The following IL2RA variants were observed in gnomAD, a reference collection of about 807,000 sequenced individuals.
The protein encoded by IL2RA is interleukin-2 receptor subunit alpha.
IL2RA carries 24 observed loss-of-function variants against 37.8 expected under a neutral mutation model. The observed-to-expected ratio is 0.63, with a 90% CI of 0.46 to 0.89. The LOEUF is 0.89. IL2RA is among the 40% of genes least tolerant of loss of function. The probability of loss-of-function intolerance (pLI) is 0.00; values close to 1 mark genes in which losing one functional copy is unlikely to be tolerated. For synonymous variants in IL2RA, 125 were observed against 114.6 expected (o/e 1.09, Z -0.58); for missense variants, 319 against 348.6 (o/e 0.92, Z 0.68).
intron 1 of IL2RA, among the ~76,000 whole-genome samples, chr10:6,031,695 C>T (rs1269319351): frequency 6.6e-6 from 1 of 151,454 alleles, no homozygotes; most frequent in Admixed American, 6.6e-5. Context: ...ATTGCTGAGA[C>T]ATATTTTAAA....
chr10:6,038,979 A>G (rs1839730546), intron 1 of IL2RA, among the ~76,000 whole-genome samples: 1 of 152,254 alleles, frequency 6.6e-6, no homozygotes, highest in Admixed American at 6.5e-5. Flanking sequence ...AAATTCATCA[A>G]ACTATATCAG....
At position 6,020,833 on chromosome 10, in the gene IL2RA, T is replaced by C. The variant is rs1839372744; in HGVS notation, c.583+645A>G. On this transcript the variant is annotated intron_variant, in intron 4 of 7. Transcript: ENST00000379959. The surrounding 1 kb of genome is among the most constrained non-coding windows in gnomAD (Gnocchi z 5.6). ...CAGGTGTGAGCCACTGTGCCCAGCC[T>C]GCATGTAAGTCACTTTTGATTGTCG... 6.6e-6 allele frequency among the ~76,000 whole-genome samples: 1 copy of C among 152,128 alleles called. No individual in the cohort carries two copies. Among genetic ancestry groups the C allele is most frequent in the Non-Finnish European group, 1.5e-5 (1 of 68,012 alleles).
intron 1 of IL2RA, among the ~76,000 whole-genome samples, chr10:6,050,827 C>G (rs1231664072): frequency 6.6e-6 from 1 of 152,090 alleles, no homozygotes; most frequent in Non-Finnish European, 1.5e-5. Context: ...GGCTACAGGT[C>G]CTCTTGCACT....
At position 6,015,665 on chromosome 10, in the gene IL2RA, A is replaced by G. The variant is rs770694126; in HGVS notation, c.794+2388T>C. ...GCTTTGATACCTACAAGGTACAGTG[A>G]TCAGATCATGGTATTTAGCATATCC... On this transcript the variant is annotated intron_variant, in intron 7 of 7. Transcript: ENST00000379959. The surrounding 1 kb of genome is among the most constrained non-coding windows in gnomAD (Gnocchi z 4.9). 1.4e-4 allele frequency among the ~76,000 whole-genome samples: 22 copies of G among 152,334 alleles called. No individual in the cohort carries two copies. The highest frequency in any genetic ancestry group is 4.1e-4 in the South Asian group (2 of 4,830).
chr10:6,019,883 G>A lies in IL2RA; in HGVS notation c.642C>T (p.Leu214=), dbSNP rs756459089. Residue 214 remains leucine (L), a synonymous_variant, in exon 5 of 8, where the codon CTC becomes CTT. Transcript: ENST00000379959. ...EGRPESETSC[L]VTTTDFQIQT... is the part of the protein sequence containing the mutation. The stretch of plus-strand genomic sequence containing the variant: ...CTTCTCCCGCACCTGTTGTTGTGAC[G>A]AGGCAGGAAGTCTCACTCTCAGGAC... 9 of 1,614,080 alleles carry A rather than the reference G, an allele frequency of 5.6e-6. No homozygotes were observed. The highest frequency in any genetic ancestry group is 4.5e-5 in the East Asian group (2 of 44,878).
intron 2 of IL2RA, among the ~76,000 whole-genome samples, chr10:6,024,578 G>A (rs1839448561): frequency 6.6e-6 from 1 of 152,146 alleles, no homozygotes; most frequent in Admixed American, 6.5e-5. Context: ...GTTTTTGAGC[G>A]TGTGTATACG....
rs536547158 is a variant in IL2RA, at chr10:6,020,035, C to T, written c.584-94G>A. The T allele has an allele frequency of 1.0e-4, 107 of 1,051,714 alleles. 1 individual carries two copies. Among genetic ancestry groups the T allele is most frequent in the South Asian group, 4.2e-4 (33 of 78,910 alleles). 65.1% of individuals were successfully genotyped at this position (1,051,714 alleles called of 1,614,324 possible). ...TGCCCCAGGCAGCCGGCCCCAGACA[C>T]GCCCGAGGAGGCAGGAATCCTGGTG... On this transcript the variant is annotated intron_variant, in intron 4 of 7. Coordinates refer to ENST00000379959, the MANE Select transcript of IL2RA (RefSeq NM_000417.3). The surrounding 1 kb of genome is among the most constrained non-coding windows in gnomAD (Gnocchi z 5.6).
chr10:6,034,703 G>A (rs891549839), intron 1 of IL2RA, among the ~76,000 whole-genome samples: 1 of 151,804 alleles, frequency 6.6e-6, no homozygotes, highest in African/African-American at 2.4e-5. Context: ...AGCTAACAAG[G>A]GCTTTTCTCT....
rs12722688 is a variant in IL2RA, at chr10:6,025,270, C to T, written c.256+564G>A. 0.014 allele frequency among the ~76,000 whole-genome samples: 2,147 copies of T among 152,132 alleles called. 53 individuals carry two copies. Among genetic ancestry groups the T allele is most frequent in the African/African-American group, 0.049 (2,017 of 41,480 alleles). On this transcript the variant is annotated intron_variant, in intron 2 of 7. Transcript: ENST00000379959. This position sits in a 1 kb window ranked among gnomAD's most constrained non-coding sequence, Gnocchi z 4.4. ...TTGGGCAGCTGTGGCACAAGATTCACTTGAACCCAGGAGGTGGAGGTTGCA... is the reference window on the plus strand; with the variant it reads ...TTGGGCAGCTGTGGCACAAGATTCATTTGAACCCAGGAGGTGGAGGTTGCA...
At chr10:6,038,470 C>T (rs1839723769) in intron 1 of IL2RA, among the ~76,000 whole-genome samples, 1 of 152,150 alleles carries the variant, frequency 6.6e-6, no homozygotes, top group South Asian at 2.1e-4. Flanking sequence ...CACCATGGCT[C>T]TGGAAGGTAG....
Position 6,012,986 on chromosome 10 carries a change from T to C in IL2RA, c.795-90A>G, listed in dbSNP as rs1839214206. ...CTCTAAACCAGTGCACACGCCACCA[T>C]GCCTGGCTAATTTTTGTATTTTTAG... On this transcript the variant is annotated intron_variant, in intron 7 of 7. Coordinates refer to ENST00000379959, the MANE Select transcript of IL2RA (RefSeq NM_000417.3). The surrounding 1 kb of genome is among the most constrained non-coding windows in gnomAD (Gnocchi z 4.8). The C allele has an allele frequency of 1.6e-6, 2 of 1,248,460 alleles. No individual in the cohort carries two copies. The highest frequency in any genetic ancestry group is 1.2e-5 in the South Asian group (1 of 83,402). 77.3% of individuals were successfully genotyped at this position (1,248,460 alleles called of 1,614,324 possible).
At position 6,021,801 on chromosome 10, in the gene IL2RA, C is replaced by T; in HGVS notation, c.368-108G>A. ...ACCTTGGTTCTTACTCTCTTGACTG[C>T]TTGCTCATCCTTTCATTCAACCAAT... On this transcript the variant is annotated intron_variant, in intron 3 of 7. Transcript: ENST00000379959. The surrounding 1 kb of genome is among the most constrained non-coding windows in gnomAD (Gnocchi z 4.9). 1 of 827,672 alleles carries T rather than the reference C, an allele frequency of 1.2e-6. No homozygotes were observed. The highest frequency in any genetic ancestry group is 2.0e-6 in the Non-Finnish European group (1 of 489,830). 51.3% of individuals were successfully genotyped at this position (827,672 alleles called of 1,614,324 possible). A position where few individuals can be genotyped will look rare whatever the true frequency, so the allele number is the denominator to read the frequency against.
intron 3 of IL2RA, among the ~76,000 whole-genome samples, chr10:6,023,308 C>G (rs898748819): frequency 2.6e-5 from 4 of 152,100 alleles, no homozygotes; most frequent in African/African-American, 9.7e-5. Context: ...TTCTTCCTAG[C>G]AGGTTCTGTG....
chr10:6,049,831 C>A (rs1839920123), intron 1 of IL2RA, among the ~76,000 whole-genome samples: 1 of 152,222 alleles, frequency 6.6e-6, no homozygotes, highest in Non-Finnish European at 1.5e-5. Flanking sequence ...ATTCATAAGA[C>A]TTTTCCATTC....
intron 7 of IL2RA, 137 bp from the exon 8 acceptor site, chr10:6,013,033 T>G (rs1016650780): frequency 1.5e-4 from 123 of 815,992 alleles, no homozygotes; most frequent in Non-Finnish European, 2.4e-4. Context: ...TTTTGCTATG[T>G]TGGCCAGGCT....
At chr10:6,051,515 ATATTTT>A (rs1564552632) in intron 1 of IL2RA, among the ~76,000 whole-genome samples, 1 of 46,556 alleles carries the variant, frequency 2.1e-5, no homozygotes, top group Non-Finnish European at 4.4e-5. Context: ...ATATATATAT[ATATTTT>A]TTTTCTTTTT....
At position 6,015,385 on chromosome 10, in the gene IL2RA, A is replaced by G. The variant is rs1157597932; in HGVS notation, c.795-2489T>C. Among the ~76,000 whole-genome samples, 2 of 152,096 alleles carry G rather than the reference A, an allele frequency of 1.3e-5. No individual in the cohort carries two copies. Among genetic ancestry groups the G allele is most frequent in the Non-Finnish European group, 2.9e-5 (2 of 68,010 alleles). ...TGGGATTACAAGCGTGAGTCTGGCC[A>G]GCTTCCCTGATTCTTAATGCTGTTA... On this transcript the variant is annotated intron_variant, in intron 7 of 7. Transcript: ENST00000379959. This position sits in a 1 kb window ranked among gnomAD's most constrained non-coding sequence, Gnocchi z 4.9.
At position 6,021,316 on chromosome 10, in the gene IL2RA, AAT is replaced by A. The variant is rs1491271520; in HGVS notation, c.583+160_583+161del. Among the ~76,000 whole-genome samples, 1 of 9,218 alleles carries A rather than the reference AAT, an allele frequency of 1.1e-4. No individual in the cohort carries two copies. The highest frequency in any genetic ancestry group is 2.4e-4 in the African/African-American group (1 of 4,120). 6.0% of individuals were successfully genotyped at this position (9,218 alleles called of 152,430 possible). A position where few individuals can be genotyped will look rare whatever the true frequency, so the allele number is the denominator to read the frequency against. On this transcript the variant is annotated intron_variant, in intron 4 of 7. Transcript: ENST00000379959. The surrounding 1 kb of genome is among the most constrained non-coding windows in gnomAD (Gnocchi z 4.9). ...GAGTCCATCTGATCTGGTCTATTTA[AAT>A]TTTTTTTTTTTTCTCAGAATGAGAA...
Position 6,048,359 on chromosome 10 carries a change from A to T in IL2RA, c.64+13729T>A, listed in dbSNP as rs791590. 0.12 allele frequency among the ~76,000 whole-genome samples: 19,023 copies of T among 152,238 alleles called. 1,321 individuals carry two copies. Among genetic ancestry groups the T allele is most frequent in the Non-Finnish European group, 0.16 (10,651 of 67,980 alleles). ...GGAGGATGGGGTGCCATTCATTGAG[A>T]TAGCAAAGAGAGGAGAAAGAGTAGG... On this transcript the variant is annotated intron_variant, in intron 1 of 7. Coordinates refer to ENST00000379959, the MANE Select transcript of IL2RA (RefSeq NM_000417.3). The surrounding 1 kb of genome is among the most constrained non-coding windows in gnomAD (Gnocchi z 5.3).
Sources: gnomAD v4.1 joint callset for allele counts (sites outside exome capture counted in the v4.1 genomes callset) on GRCh38, gnomAD v4.1.1 for gene constraint, Gnocchi (gnomAD v3.1) non-coding constraint, MANE v1.5 for transcripts, NCBI Gene and HGNC (gene_info 2026-07-23, HGNC 2026-07-21) for gene names.